Variants in CCDC7 observed in about 807,000 individuals in gnomAD.
The protein encoded by CCDC7 is coiled-coil domain containing 7.
CCDC7 carries 183 observed loss-of-function variants against 196.9 expected under a neutral mutation model. That is an observed-to-expected ratio of 0.93 (90% confidence interval 0.82 to 1.05). CCDC7 has a LOEUF of 1.05. Among genes scored for constraint, CCDC7 ranks in the 50% least tolerant of loss-of-function variants. The pLI is 0.00. For missense variants in CCDC7, 1,540 were observed against 1,482.2 expected (o/e 1.04, Z -0.64); for synonymous variants, 525 against 484.6 (o/e 1.08, Z -1.10).
Position 32,832,556 on chromosome 10 carries a change from T to G in CCDC7, c.3269-2259T>G, listed in dbSNP as rs570099576. 2.0e-5 allele frequency among the ~76,000 whole-genome samples: 3 copies of G among 152,044 alleles called. No individual in the cohort carries two copies. The South Asian group carries it at 6.2e-4, about 32-fold the overall frequency. ...TTCAAAGGGCTGCAAGAAAAAAATA[T>G]CAACCAATAATTTTATGTTTGGCAA... On this transcript the variant is annotated intron_variant, in intron 32 of 41. Coordinates refer to ENST00000639629, the Ensembl canonical transcript of CCDC7.
intron 13 of CCDC7, among the ~76,000 whole-genome samples, chr10:32,556,781 A>G (rs576855302): frequency 5.6e-4 from 85 of 152,338 alleles, no homozygotes; most frequent in African/African-American, 2.0e-3. Context: ...TTAGGGTTCT[A>G]ATTCCATCAT....
chr10:32,797,190 TAC>T (rs1491583166), intron 29 of CCDC7, among the ~76,000 whole-genome samples: 5 of 149,974 alleles, frequency 3.3e-5, no homozygotes, highest in Non-Finnish European at 4.4e-5. Flanking sequence ...TGTATATATA[TAC>T]GTATATATAT....
intron 11 of CCDC7, among the ~76,000 whole-genome samples, chr10:32,538,070 A>G (rs896122856): frequency 6.6e-6 from 1 of 152,172 alleles, no homozygotes; most frequent in Non-Finnish European, 1.5e-5. Context: ...TGAATCTTTA[A>G]ATCACTTTGG....
At chr10:32,560,102 C>T (rs1207541976) in intron 13 of CCDC7, among the ~76,000 whole-genome samples, 6 of 151,964 alleles carry the variant, frequency 3.9e-5, no homozygotes, top group South Asian at 2.1e-4. Context: ...TGAAGTGAAG[C>T]GAGAAGGGAA....
chr10:32,669,832 AATTT>A (rs1310908035), intron 21 of CCDC7, among the ~76,000 whole-genome samples: 1 of 152,064 alleles, frequency 6.6e-6, no homozygotes, highest in Non-Finnish European at 1.5e-5. Context: ...CCATAATTCT[AATTT>A]ATTAACTCAT....
chr10:32,639,667 G>A (rs986880882), intron 20 of CCDC7, among the ~76,000 whole-genome samples: 27 of 144,686 alleles, frequency 1.9e-4, no homozygotes, highest in South Asian at 8.8e-4. Flanking sequence ...TAGCTTTGTC[G>A]TCCAGGCTGG....
intron 33 of CCDC7, among the ~76,000 whole-genome samples, chr10:32,843,166 CAAAA>C (rs984146344): frequency 6.6e-6 from 1 of 150,462 alleles, no homozygotes; most frequent in Non-Finnish European, 1.5e-5. Flanking sequence ...GGAACAAATG[CAAAA>C]AAATATATAA....
chr10:32,699,283 T>C (rs563623691), intron 24 of CCDC7, among the ~76,000 whole-genome samples: 1 of 144,828 alleles, frequency 6.9e-6, no homozygotes, highest in Non-Finnish European at 1.5e-5. Context: ...AATTCCCACC[T>C]ATGAGTGAGA....
chr10:32,463,948 C>G (rs1036908911), intron 5 of CCDC7, among the ~76,000 whole-genome samples: 11 of 152,176 alleles, frequency 7.2e-5, no homozygotes, highest in African/African-American at 2.4e-4. Context: ...AGAGTGAAGT[C>G]TACTATTCCT....
At chr10:32,563,859 A>G (rs546004054) in intron 13 of CCDC7, among the ~76,000 whole-genome samples, 8,021 of 151,888 alleles carry the variant, frequency 0.053, 690 homozygotes, top group African/African-American at 0.18. Context: ...CAGAGTGAAC[A>G]GGCAACCTAC....
chr10:32,847,187 G>A (rs1408985920), intron 37 of CCDC7, among the ~76,000 whole-genome samples: 1 of 152,066 alleles, frequency 6.6e-6, no homozygotes, highest in African/African-American at 2.4e-5. Context: ...TAGTACAATA[G>A]CCCAGTCACA....
At chr10:32,706,473 G>A (rs1252414347) in intron 24 of CCDC7, among the ~76,000 whole-genome samples, 1 of 152,056 alleles carries the variant, frequency 6.6e-6, no homozygotes, top group Non-Finnish European at 1.5e-5. Context: ...TAAGATCAGA[G>A]CAGAATTGAA....
chr10:32,762,385 A>G (rs11814833), intron 28 of CCDC7, among the ~76,000 whole-genome samples: 1 of 151,562 alleles, frequency 6.6e-6, no homozygotes, highest in Non-Finnish European at 1.5e-5. Flanking sequence ...TGCCTGATAT[A>G]TATATAATAA....
At chr10:32,558,622 T>C (rs2054764336) in intron 13 of CCDC7, among the ~76,000 whole-genome samples, 1 of 152,198 alleles carries the variant, frequency 6.6e-6, no homozygotes, top group Non-Finnish European at 1.5e-5. Flanking sequence ...AATGAGAATC[T>C]TCCCTAGAGT....
At chr10:32,700,520 A>T (rs1358398338) in intron 24 of CCDC7, among the ~76,000 whole-genome samples, 1 of 152,084 alleles carries the variant, frequency 6.6e-6, no homozygotes, top group East Asian at 1.9e-4. Context: ...TTGGCTTAGG[A>T]TTGACTTGGC....
chr10:32,520,703 T>C (rs2047749438), intron 11 of CCDC7, among the ~76,000 whole-genome samples: 2 of 152,246 alleles, frequency 1.3e-5, no homozygotes, highest in Admixed American at 1.3e-4. Context: ...TTTTCTTTGC[T>C]GTGCAGAAGC....
At chr10:32,499,764 T>C (rs1344438359) in intron 9 of CCDC7, among the ~76,000 whole-genome samples, 1 of 152,150 alleles carries the variant, frequency 6.6e-6, no homozygotes, top group East Asian at 1.9e-4. Flanking sequence ...TCCGCAGTGT[T>C]TGTGTCCCTG....
chr10:32,804,546 T>G (rs947543158), intron 29 of CCDC7, among the ~76,000 whole-genome samples: 1 of 152,166 alleles, frequency 6.6e-6, no homozygotes, highest in African/African-American at 2.4e-5. Flanking sequence ...CTATAATAAT[T>G]TCCTGTGATT....
At chr10:32,699,700 T>G (rs1416873500) in intron 24 of CCDC7, among the ~76,000 whole-genome samples, 1 of 149,390 alleles carries the variant, frequency 6.7e-6, no homozygotes, top group African/African-American at 2.6e-5. Context: ...TTTCTATACA[T>G]CCTCTCCAGC....
Sources: gnomAD v4.1 joint callset for allele counts (sites outside exome capture counted in the v4.1 genomes callset) on GRCh38, gnomAD v4.1.1 for gene constraint, MANE v1.5 for transcripts, NCBI Gene and HGNC (gene_info 2026-07-23, HGNC 2026-07-21) for gene names.